Variants in PXMP4 observed in about 807,000 individuals in gnomAD.
PXMP4 encodes peroxisomal membrane protein 4.
A neutral mutation model predicts 21.6 loss-of-function variants in PXMP4; 16 were observed. The ratio of observed to expected loss-of-function variants is 0.74; its 90% CI spans 0.50 to 1.13. PXMP4 has a LOEUF of 1.13. PXMP4 is among the 50% of genes most tolerant of loss of function. The pLI, the probability that PXMP4 is intolerant of heterozygous loss-of-function variation, is 0.00. For missense variants in PXMP4, 240 were observed against 277.7 expected (o/e 0.86, Z 0.96); for synonymous variants, 127 against 123.8 (o/e 1.03, Z -0.17).
rs183823435 is a variant in PXMP4 at position 33,706,205 on chromosome 20, C to T, written c.*1501G>A. The T allele has an allele frequency of 0.014, 2,113 of 152,098 alleles. 55 individuals carry two copies. The highest frequency in any genetic ancestry group is 0.048 in the African/African-American group (1,974 of 41,484). 9.4% of individuals were successfully genotyped at this position (152,098 alleles called of 1,614,324 possible). ...CCTCCCAAAGTGCTGGGATTACAGG[C>T]GTGAGCCACTGCACCTGGCCTGACC... On this transcript the variant is annotated 3_prime_UTR_variant, in exon 4 of 4. Transcript: ENST00000409299.
rs2122577317 is a variant in PXMP4, at chr20:33,706,823, A to G, written c.*883T>C. 1 of 152,372 alleles carries G rather than the reference A, an allele frequency of 6.6e-6. No individual in the cohort carries two copies. The highest frequency in any genetic ancestry group is 2.1e-4 in the South Asian group (1 of 4,834). The allele number at this position is 152,372 out of a possible 1,614,324, so 9.4% of individuals were successfully genotyped here. On this transcript the variant is annotated 3_prime_UTR_variant, in exon 4 of 4. Coordinates refer to ENST00000409299, the MANE Select transcript of PXMP4 (RefSeq NM_007238.5). ...CTTAATACAAAAAAGAGTACAAAAT[A>G]TCTAATGATGTTAATTATATGTTGA... is the stretch of plus-strand genomic sequence containing the variant.
intron 1 of PXMP4, among the ~76,000 whole-genome samples, chr20:33,716,638 A>G (rs1283641053): frequency 6.6e-6 from 1 of 152,184 alleles, no homozygotes; most frequent in Non-Finnish European, 1.5e-5. Flanking sequence ...AAGACAGGGA[A>G]TGTGTCTGGC....
At position 33,710,751 on chromosome 20, in the gene PXMP4, A is replaced by G. The variant is rs1326391223; in HGVS notation, c.179T>C (p.Leu60Pro). The change falls in exon 3 of 4, where the codon CTC becomes CCC. Residue 60 changes from leucine (L) to proline (P), a missense_variant and splice_region_variant. Leu to Pro is a moderately conservative substitution (Grantham distance 98). Transcript: ENST00000409299. Reference protein sequence around the residue: ...VMTFLFRNGSLQEKLWAILQA... With the variant: ...VMTFLFRNGSPQEKLWAILQA... The stretch of plus-strand genomic sequence containing the variant: ...CAGTATGGCCCACAGCTTCTCCTGG[A>G]GGCTGCACAAACACAGGTGCCCCTG... 6.3e-7 allele frequency: 1 copy of G among 1,598,886 alleles called. No individual in the cohort carries two copies. The highest frequency in any genetic ancestry group is 8.5e-7 in the Non-Finnish European group (1 of 1,170,796).
rs1261386802 is a variant in PXMP4, at chr20:33,703,330, T to G, written c.*4376A>C. 3 of 152,210 alleles carry G rather than the reference T, an allele frequency of 2.0e-5. No homozygotes were observed. The highest frequency in any genetic ancestry group is 2.0e-4 in the Admixed American group (3 of 15,280). The allele number at this position is 152,210 out of a possible 1,614,324, so 9.4% of individuals were successfully genotyped here. Reference sequence around the variant, plus strand: ...TTAACTGTGTCATATTCTTTAACCCTCCACACCACTCGATGAGGTGTGTGC... The same window carrying G: ...TTAACTGTGTCATATTCTTTAACCCGCCACACCACTCGATGAGGTGTGTGC... On this transcript the variant is annotated 3_prime_UTR_variant, in exon 4 of 4. Transcript: ENST00000409299.
Position 33,720,216 on chromosome 20 carries a change from C to T in PXMP4, c.-9G>A. ...TGCGGCGGGGCTGCCATAGTGCGGG[C>T]TGCGCGCAGGGTCGGGGTTAGGAAC... On this transcript the variant is annotated 5_prime_UTR_variant, in exon 1 of 4. Transcript: ENST00000409299. 6.2e-7 allele frequency: 1 copy of T among 1,605,700 alleles called. No individual in the cohort carries two copies. The highest frequency in any genetic ancestry group is 8.5e-7 in the Non-Finnish European group (1 of 1,176,186).
In PXMP4 at chr20:33,710,754, C is replaced by T; in HGVS notation, c.177-1G>A. 6.3e-7 allele frequency: 1 copy of T among 1,596,668 alleles called. No individual in the cohort carries two copies. The highest frequency in any genetic ancestry group is 1.3e-5 in the African/African-American group (1 of 74,590). On this transcript the variant is annotated splice_acceptor_variant, in intron 2 of 3. Transcript: ENST00000409299. LOFTEE classifies it high-confidence loss of function. ...TATGGCCCACAGCTTCTCCTGGAGG[C>T]TGCACAAACACAGGTGCCCCTGCCA... is the stretch of plus-strand genomic sequence containing the variant.
At chr20:33,719,500 G>C (rs2018423669) in intron 1 of PXMP4, among the ~76,000 whole-genome samples, 1 of 152,194 alleles carries the variant, frequency 6.6e-6, no homozygotes, top group Non-Finnish European at 1.5e-5. Flanking sequence ...AGGAGACTGA[G>C]CTCCCCTCTA....
At position 33,703,588 on chromosome 20, in the gene PXMP4, G is replaced by C. The variant is rs2018227127; in HGVS notation, c.*4118C>G. ...GGTTTGAGTGCAAGTGGTTCATATG[G>C]GAAGTGGTCCCAGGAAGCACTGGTA... On this transcript the variant is annotated 3_prime_UTR_variant, in exon 4 of 4. Transcript: ENST00000409299. The C allele has an allele frequency of 6.6e-6, 1 of 152,344 alleles. No individual in the cohort carries two copies. The highest frequency in any genetic ancestry group is 2.1e-4 in the South Asian group (1 of 4,836). 9.4% of individuals were successfully genotyped at this position (152,344 alleles called of 1,614,324 possible).
chr20:33,710,896 CCCTTGATTCAGG>C, intron 2 of PXMP4, 143 bp from the exon 3 acceptor site: 1 of 809,610 alleles, frequency 1.2e-6, no homozygotes, highest in Non-Finnish European at 1.9e-6. Flanking sequence ...CATGTTCTCT[CCCTTGATTCAGG>C]CCTTGACTCA....
At position 33,710,630 on chromosome 20, in the gene PXMP4, G is replaced by T; in HGVS notation, c.300C>A (p.Tyr100Ter). Reference sequence around the variant, plus strand: ...AGGCCGCCAGGAATGCGTGTGCTGGGTAGGTCTTGCCTTGTATGTAGGACT... The same window carrying T: ...AGGCCGCCAGGAATGCGTGTGCTGGTTAGGTCTTGCCTTGTATGTAGGACT... ...ALQSYIQGKT[Y>*]PAHAFLAAFL... The change falls in exon 3 of 4, where the codon TAC becomes TAA. Residue 100 changes from tyrosine to a stop codon, truncating the protein, a stop_gained. Coordinates refer to ENST00000409299, the MANE Select transcript of PXMP4 (RefSeq NM_007238.5). LOFTEE classifies it high-confidence loss of function. The T allele has an allele frequency of 6.2e-7, 1 of 1,613,990 alleles. No homozygotes were observed. The highest frequency in any genetic ancestry group is 1.1e-5 in the South Asian group (1 of 91,074).
At chr20:33,711,027 C>T (rs1601204933) in intron 2 of PXMP4, among the ~76,000 whole-genome samples, 2 of 152,180 alleles carry the variant, frequency 1.3e-5, no homozygotes, top group African/African-American at 4.8e-5. Context: ...GGTCACCAAC[C>T]GACATTTATG....
rs759894278 is a variant in PXMP4 at position 33,708,001 on chromosome 20, G to A, written c.376-32C>T. ...AGAGGGAATGATGGGAATTACTGGT[G>A]ATCAATAGTGATGTCCCTCTTTTGT... On this transcript the variant is annotated intron_variant, in intron 3 of 3. Coordinates refer to ENST00000409299, the MANE Select transcript of PXMP4 (RefSeq NM_007238.5). The A allele has an allele frequency of 9.8e-5, 155 of 1,586,208 alleles. No individual in the cohort carries two copies. In the Admixed American group the frequency reaches 1.0e-3, roughly 10 times the overall value.
Position 33,704,625 on chromosome 20 carries a change from G to C in PXMP4, c.*3081C>G, listed in dbSNP as rs2018238639. On this transcript the variant is annotated 3_prime_UTR_variant, in exon 4 of 4. Transcript: ENST00000409299. Reference sequence around the variant, plus strand: ...GTTGTGGCTGAAAACACAGCTTACAGAATCAGACTGATCCCACCTCAATTA... The same window carrying C: ...GTTGTGGCTGAAAACACAGCTTACACAATCAGACTGATCCCACCTCAATTA... The C allele has an allele frequency of 6.6e-6, 1 of 152,246 alleles. No individual in the cohort carries two copies. Among genetic ancestry groups the C allele is most frequent in the Non-Finnish European group, 1.5e-5 (1 of 68,040 alleles). 9.4% of individuals were successfully genotyped at this position (152,246 alleles called of 1,614,324 possible). A position where few individuals can be genotyped will look rare whatever the true frequency, so the allele number is the denominator to read the frequency against.
At position 33,705,325 on chromosome 20, in the gene PXMP4, GGCAT is replaced by G. The variant is rs1296893505; in HGVS notation, c.*2377_*2380del. 2.0e-5 allele frequency: 3 copies of G among 151,444 alleles called. No homozygotes were observed. Among genetic ancestry groups the G allele is most frequent in the Non-Finnish European group, 4.4e-5 (3 of 67,810 alleles). The allele number at this position is 151,444 out of a possible 1,614,324, so 9.4% of individuals were successfully genotyped here. A position where few individuals can be genotyped will look rare whatever the true frequency, so the allele number is the denominator to read the frequency against. Reference sequence around the variant, plus strand: ...GTTTCGAAAAAAGCAGACTTGGCCAGGCATGGTGGCTCACACCTGTAATCCCAGC... The same window carrying G: ...GTTTCGAAAAAAGCAGACTTGGCCAGGGTGGCTCACACCTGTAATCCCAGC... On this transcript the variant is annotated 3_prime_UTR_variant, in exon 4 of 4. Transcript: ENST00000409299.
At position 33,707,575 on chromosome 20, in the gene PXMP4, A is replaced by G. The variant is rs1306073719; in HGVS notation, c.*131T>C. The G allele has an allele frequency of 7.6e-7, 1 of 1,311,376 alleles. No homozygotes were observed. The highest frequency in any genetic ancestry group is 1.0e-6 in the Non-Finnish European group (1 of 959,772). The allele number at this position is 1,311,376 out of a possible 1,614,324, so 81.2% of individuals were successfully genotyped here. On this transcript the variant is annotated 3_prime_UTR_variant, in exon 4 of 4. Transcript: ENST00000409299. ...CTGGGATTTTAAAATCAGTGTTTTT[A>G]CTTCAGCAAACGGAACCCTGGGATA... is the stretch of plus-strand genomic sequence containing the variant.
chr20:33,710,128 T>TC (rs1243192670), intron 3 of PXMP4, among the ~76,000 whole-genome samples: 4 of 118,206 alleles, frequency 3.4e-5, no homozygotes, highest in Admixed American at 1.7e-4. Flanking sequence ...ACCACGCCCT[T>TC]CCCCCACTCC....
Position 33,717,639 on chromosome 20 carries a change from C to CA in PXMP4, c.113+2455dup, listed in dbSNP as rs10666719. ...TGGGCGACAGAGCGAGACTCCGTCT[C>CA]AAAAAAAAAAAAAAAAAAATTATTA... On this transcript the variant is annotated intron_variant, in intron 1 of 3. Coordinates refer to ENST00000409299, the MANE Select transcript of PXMP4 (RefSeq NM_007238.5). 1.8e-3 allele frequency among the ~76,000 whole-genome samples: 101 copies of CA among 56,418 alleles called. 1 individual carries two copies. Among genetic ancestry groups the CA allele is most frequent in the Non-Finnish European group, 1.9e-3 (57 of 30,626 alleles). The allele number at this position is 56,418 out of a possible 152,430, so 37.0% of individuals were successfully genotyped here.
chr20:33,708,342 A>G (rs1026961046), intron 3 of PXMP4, among the ~76,000 whole-genome samples: 6 of 151,692 alleles, frequency 4.0e-5, no homozygotes, highest in Non-Finnish European at 8.8e-5. Context: ...GGCGCCCACC[A>G]TGCCCAGCTA....
At chr20:33,713,590 G>A (rs1029304737) in intron 2 of PXMP4, among the ~76,000 whole-genome samples, 4 of 152,126 alleles carry the variant, frequency 2.6e-5, no homozygotes, top group African/African-American at 9.7e-5. Context: ...GTCACTGTCC[G>A]TTTTGTTCAC....
Sources: gnomAD v4.1 joint callset for allele counts (sites outside exome capture counted in the v4.1 genomes callset) on GRCh38, gnomAD v4.1.1 for gene constraint, MANE v1.5 for transcripts, NCBI Gene and HGNC (gene_info 2026-07-23, HGNC 2026-07-21) for gene names.